The following MISP variants were observed in gnomAD, a reference collection of about 807,000 sequenced individuals.
MISP encodes mitotic interactor and substrate of PLK1.
A neutral mutation model predicts 49.3 loss-of-function variants in MISP; 51 were observed. That is an observed-to-expected ratio of 1.03 (90% CI 0.83 to 1.31). The LOEUF (loss-of-function observed/expected upper bound fraction) is 1.31. Among genes scored for constraint, MISP ranks in the 50% most tolerant of loss-of-function variants. The pLI, the probability that MISP is intolerant of heterozygous loss-of-function variation, is 0.00. For missense variants in MISP, 1,084 were observed against 935.1 expected (o/e 1.16, Z -2.08); for synonymous variants, 444 against 392.6 (o/e 1.13, Z -1.55).
intron 1 of MISP, among the ~76,000 whole-genome samples, chr19:752,314 T>G (rs1230512616): frequency 2.0e-5 from 3 of 152,220 alleles, no homozygotes; most frequent in African/African-American, 7.2e-5. Flanking sequence ...AGAGCCGCCG[T>G]GGATCCAGGG....
At chr19:762,319 C>T (rs1248707385) in intron 4 of MISP, among the ~76,000 whole-genome samples, 1 of 150,898 alleles carries the variant, frequency 6.6e-6, no homozygotes, top group Non-Finnish European at 1.5e-5. Flanking sequence ...GTGGCTTGAC[C>T]TCGGCTCACT....
chr19:754,528 G>A (rs1488908853), intron 1 of MISP, among the ~76,000 whole-genome samples: 1 of 152,266 alleles, frequency 6.6e-6, no homozygotes, highest in Non-Finnish European at 1.5e-5. Context: ...TCAGGAGGCT[G>A]AGGCAGGAGA....
chr19:761,895 G>C (rs1383668486), intron 4 of MISP, among the ~76,000 whole-genome samples: 49 of 152,166 alleles, frequency 3.2e-4, no homozygotes, highest in Admixed American at 3.1e-3. Context: ...ACGTGGTGAA[G>C]GTTTGTGAGG....
chr19:751,871 G>T (rs535133299), intron 1 of MISP, among the ~76,000 whole-genome samples: 1 of 152,290 alleles, frequency 6.6e-6, no homozygotes, highest in East Asian at 1.9e-4. Flanking sequence ...CTTCTGCATG[G>T]CCTCCTTGTC....
chr19:751,615 G>T (rs2144949321), intron 1 of MISP, among the ~76,000 whole-genome samples: 1 of 152,308 alleles, frequency 6.6e-6, no homozygotes, highest in East Asian at 1.9e-4. Context: ...CCCCCGTGGG[G>T]CTGGGGGCTG....
At chr19:751,270 G>C (rs2144948888) in intron 1 of MISP, 99 bp downstream of exon 1, 1 of 152,356 alleles carries the variant, frequency 6.6e-6, no homozygotes. Flanking sequence ...TGTGGGCGGG[G>C]TCTGCTTGCC....
chr19:759,268 C>A (rs2033632503), intron 2 of MISP, among the ~76,000 whole-genome samples: 1 of 152,114 alleles, frequency 6.6e-6, no homozygotes, highest in African/African-American at 2.4e-5. Flanking sequence ...GGCGATCCAC[C>A]CTGCCTTGGC....
intron 1 of MISP, among the ~76,000 whole-genome samples, chr19:751,488 C>T (rs962116315): frequency 2.0e-5 from 3 of 152,174 alleles, no homozygotes. Context: ...CGGGTTGGCA[C>T]CCCCATGGTC....
At position 756,986 on chromosome 19, in the gene MISP, C is replaced by G; in HGVS notation, c.40C>G (p.Gln14Glu). ...VTRYPILGIPQAHRGTGLVLD... is the reference protein window; with the variant it reads ...VTRYPILGIPEAHRGTGLVLD... ...CAGATACCCCATCCTGGGCATCCCT[C>G]AGGCACACCGTGGCACCGGCCTGGT... is the stretch of plus-strand genomic sequence containing the variant. The change falls in exon 2 of 5, where the codon CAG becomes GAG. Residue 14 changes from glutamine to glutamate, a missense_variant. By Grantham distance (29) the Gln-to-Glu change is conservative. Transcript: ENST00000215582. The G allele has an allele frequency of 6.3e-7, 1 of 1,595,056 alleles. No individual in the cohort carries two copies. Among genetic ancestry groups the G allele is most frequent in the Non-Finnish European group, 8.6e-7 (1 of 1,169,264 alleles).
In MISP at chr19:758,236, C is replaced by T. The variant is rs761522541; in HGVS notation, c.1290C>T (p.Ser430=). The T allele has an allele frequency of 1.9e-6, 3 of 1,613,360 alleles. No individual in the cohort carries two copies. Among genetic ancestry groups the T allele is most frequent in the African/African-American group, 2.7e-5 (2 of 74,924 alleles). ...CTGATGCCTACCAGCCGTACCTGAG[C>T]CCCGGGACCCCCCAGCTAGAATTCT... ...IPPDAYQPYL[S]PGTPQLEFSA... is the part of the protein sequence containing the mutation. The change falls in exon 2 of 5, where the codon AGC becomes AGT. Residue 430 remains serine (S), a synonymous_variant. Transcript: ENST00000215582.
chr19:760,024 AAAG>A lies in MISP; in HGVS notation c.1900_1902del (p.Lys634del), dbSNP rs755222104. The A allele has an allele frequency of 1.9e-6, 3 of 1,613,850 alleles. No homozygotes were observed. Among genetic ancestry groups the A allele is most frequent in the Non-Finnish European group, 2.5e-6 (3 of 1,179,876 alleles). On this transcript the variant is annotated inframe_deletion, in exon 3 of 5. Transcript: ENST00000215582. Reference sequence around the variant, plus strand: ...TGGACAGTGCTCCTCCCGGGCAGAGAAAGAAGGAGCAATGGGTGAGTCTGGAAC... The same window carrying A: ...TGGACAGTGCTCCTCCCGGGCAGAGAAAGGAGCAATGGGTGAGTCTGGAAC...
chr19:751,991 A>G (rs1029609223), intron 1 of MISP, among the ~76,000 whole-genome samples: 4 of 152,118 alleles, frequency 2.6e-5, no homozygotes, highest in African/African-American at 9.7e-5. Context: ...TCTGGTATCA[A>G]CAGAGTTCAG....
chr19:762,137 A>G (rs2033683259), intron 4 of MISP, among the ~76,000 whole-genome samples: 1 of 143,256 alleles, frequency 7.0e-6, no homozygotes, highest in South Asian at 2.2e-4. Context: ...TATTTTTAGT[A>G]GAGACGGGGT....
intron 2 of MISP, among the ~76,000 whole-genome samples, chr19:759,304 AT>A (rs561541950): frequency 1.1e-3 from 166 of 151,514 alleles, no homozygotes; most frequent in Middle Eastern, 7.2e-3. Context: ...GATTACAAGC[AT>A]GAGCCACTGC....
Position 757,323 on chromosome 19 carries a change from T to G in MISP, c.377T>G (p.Leu126Arg). ...GEDKEMKTYR[L>R]DAGDADPRRL... ...GACAAGGAGATGAAGACCTACCGCCTGGATGCTGGGGACGCTGACCCCAGG... is the reference window on the plus strand; with the variant it reads ...GACAAGGAGATGAAGACCTACCGCCGGGATGCTGGGGACGCTGACCCCAGG... The change falls in exon 2 of 5, where the codon CTG becomes CGG. Residue 126 changes from leucine (L) to arginine (R), a missense_variant. Transcript: ENST00000215582. 1 of 1,613,932 alleles carries G rather than the reference T, an allele frequency of 6.2e-7. No individual in the cohort carries two copies. Among genetic ancestry groups the G allele is most frequent in the Non-Finnish European group, 8.5e-7 (1 of 1,179,940 alleles).
At chr19:756,241 TC>T (rs2033546960) in intron 1 of MISP, among the ~76,000 whole-genome samples, 1 of 152,054 alleles carries the variant, frequency 6.6e-6, no homozygotes, top group South Asian at 2.1e-4. Flanking sequence ...GGGAAGAGGG[TC>T]CCATCTTCTG....
Position 757,529 on chromosome 19 carries a change from G to C in MISP, c.583G>C (p.Ala195Pro). Residue 195 changes from alanine (A) to proline (P), a missense_variant, in exon 2 of 5, where the codon GCA (alanine) becomes CCA (proline). Transcript: ENST00000215582. ...VVDREQIDFL[A>P]ARQQFLSLEQ... The stretch of plus-strand genomic sequence containing the variant: ...TGACAGGGAGCAGATTGACTTCCTG[G>C]CAGCGAGACAGCAGTTCCTGAGTCT... 1 of 1,610,920 alleles carries C rather than the reference G, an allele frequency of 6.2e-7. No homozygotes were observed. The highest frequency in any genetic ancestry group is 1.1e-5 in the South Asian group (1 of 90,428).
upstream of MISP, among the ~76,000 whole-genome samples, chr19:749,824 CA>C (rs775414369): frequency 5.5e-5 from 8 of 144,950 alleles, no homozygotes; most frequent in East Asian, 2.1e-4. Flanking sequence ...GACTCCGTCT[CA>C]AAAAAAAAAC....
intron 4 of MISP, 60 bp downstream of exon 4, chr19:761,723 A>C: frequency 6.4e-7 from 1 of 1,571,384 alleles, no homozygotes; most frequent in East Asian, 2.2e-5. Context: ...GTGCCCCTGC[A>C]CACAGGGGCC....
Sources: allele counts gnomAD v4.1 joint callset (sites outside exome capture counted in the v4.1 genomes callset), GRCh38; gene constraint gnomAD v4.1.1; transcripts MANE v1.5; gene names NCBI Gene and HGNC (gene_info 2026-07-23, HGNC 2026-07-21).